MTFR1: variants seen among roughly 807,000 people sequenced by gnomAD.
MTFR1 encodes chondrocyte protein with a poly-proline region.
In MTFR1, 28 loss-of-function variants were observed where a neutral mutation model predicts 38.8. That is an observed-to-expected ratio of 0.72 (90% confidence interval 0.53 to 0.99). The LOEUF (loss-of-function observed/expected upper bound fraction) is 0.99, where lower values mean the gene tolerates loss of function less well. Among genes scored for constraint, MTFR1 ranks in the 50% least tolerant of loss-of-function variants. The pLI, the probability that MTFR1 is intolerant of heterozygous loss-of-function variation, is 0.00. For missense variants in MTFR1, 358 were observed against 395.5 expected, an observed-to-expected ratio of 0.91 and a Z score of 0.81; for synonymous variants, 145 against 137.0, an observed-to-expected ratio of 1.06 and a Z score of -0.41.
intron 3 of MTFR1, among the ~76,000 whole-genome samples, chr8:65,730,142 T>C (rs1806795187): frequency 6.8e-6 from 1 of 147,466 alleles, no homozygotes; most frequent in Non-Finnish European, 1.5e-5. Context: ...TTGTAAACTG[T>C]GCATGTGAGG....
At chr8:65,668,617 G>C (rs1306660612) in intron 1 of MTFR1, among the ~76,000 whole-genome samples, 1 of 148,592 alleles carries the variant, frequency 6.7e-6, no homozygotes, top group African/African-American at 2.5e-5. Flanking sequence ...GGCTTCAAGC[G>C]ATTCTCCTGC....
rs1165439428 is a variant in MTFR1, at chr8:65,672,791, C to T, written c.66+2773C>T. Reference sequence around the variant, plus strand: ...TTTTTCCTTATGCCTCATTAACCAACTTCTGCTAGCTTCAACTTTTCTTTT... The same window carrying T: ...TTTTTCCTTATGCCTCATTAACCAATTTCTGCTAGCTTCAACTTTTCTTTT... On this transcript the variant is annotated intron_variant, in intron 2 of 7. Transcript: ENST00000262146. Among the ~76,000 whole-genome samples the T allele has an allele frequency of 2.0e-5, 3 of 152,180 alleles. No homozygotes were observed. In the South Asian group the frequency reaches 6.2e-4, roughly 32 times the overall value.
intron 1 of MTFR1, among the ~76,000 whole-genome samples, chr8:65,647,704 A>G (rs1485078741): frequency 2.0e-5 from 3 of 152,116 alleles, no homozygotes; most frequent in Non-Finnish European, 4.4e-5. Context: ...TTTTTACTGT[A>G]TCACTGTTCT....
At chr8:65,761,835 A>T (rs113056388) in intron 3 of MTFR1, among the ~76,000 whole-genome samples, 2,558 of 152,334 alleles carry the variant, frequency 0.017, 26 homozygotes, top group Non-Finnish European at 0.027. Context: ...AGGAAATACA[A>T]GCCCCAGGTC....
intron 3 of MTFR1, chr8:65,734,757 T>G (rs181891137): frequency 8.5e-7 from 1 of 1,179,174 alleles, no homozygotes; most frequent in Non-Finnish European, 1.3e-6. Flanking sequence ...AGGAATTTTC[T>G]TATGATTTTC....
intron 2 of MTFR1, among the ~76,000 whole-genome samples, chr8:65,672,400 T>C (rs1179368354): frequency 1.3e-5 from 2 of 152,234 alleles, no homozygotes; most frequent in Non-Finnish European, 2.9e-5. Flanking sequence ...GCTCTACCTT[T>C]CAGTGATTAA....
intron 3 of MTFR1, among the ~76,000 whole-genome samples, chr8:65,758,749 C>T (rs1263124941): frequency 6.6e-6 from 1 of 152,186 alleles, no homozygotes; most frequent in African/African-American, 2.4e-5. Context: ...TGTTGGCCAC[C>T]GAAATCCATG....
chr8:65,721,236 G>A (rs781001168), intron 3 of MTFR1, among the ~76,000 whole-genome samples: 8 of 152,094 alleles, frequency 5.3e-5, no homozygotes, highest in Non-Finnish European at 1.0e-4. Flanking sequence ...TTCACAGGAC[G>A]CCTTGTCAAA....
At chr8:65,651,357 A>G (rs930414712) in intron 1 of MTFR1, among the ~76,000 whole-genome samples, 3 of 152,202 alleles carry the variant, frequency 2.0e-5, no homozygotes, top group Non-Finnish European at 2.9e-5. Flanking sequence ...GTGGGGTGCT[A>G]TTCAAGAAAT....
chr8:65,725,044 A>G, intron 3 of MTFR1: 1 of 497,162 alleles, frequency 2.0e-6, no homozygotes, highest in East Asian at 3.4e-5. Flanking sequence ...CTATCATTCA[A>G]TTTAAAATTT....
chr8:65,737,710 G>T (rs966777365), intron 3 of MTFR1, among the ~76,000 whole-genome samples: 1 of 152,024 alleles, frequency 6.6e-6, no homozygotes, highest in Non-Finnish European at 1.5e-5. Context: ...GTAGAGACGG[G>T]GTTTCACCAT....
intron 2 of MTFR1, among the ~76,000 whole-genome samples, chr8:65,680,308 A>G (rs1405958574): frequency 1.3e-5 from 2 of 152,072 alleles, no homozygotes; most frequent in Admixed American, 1.3e-4. Flanking sequence ...GGATGACAGC[A>G]TGCATCACCA....
intron 3 of MTFR1, among the ~76,000 whole-genome samples, chr8:65,740,349 C>T (rs1366352691): frequency 1.3e-5 from 2 of 152,092 alleles, no homozygotes; most frequent in African/African-American, 4.8e-5. Context: ...CCATCCACCC[C>T]CTCATTCTCC....
At chr8:65,687,405 G>T (rs1349676705) in intron 3 of MTFR1, among the ~76,000 whole-genome samples, 1 of 150,078 alleles carries the variant, frequency 6.7e-6, no homozygotes, top group Non-Finnish European at 1.5e-5. Context: ...GAGTGCAGTG[G>T]CACGATCTTG....
chr8:65,751,741 C>T (rs545835799), intron 3 of MTFR1, among the ~76,000 whole-genome samples: 8 of 152,320 alleles, frequency 5.3e-5, no homozygotes, highest in East Asian at 1.9e-4. Context: ...ATCTGCCTGC[C>T]GCGGCCTCCC....
chr8:65,660,498 A>G (rs1809381763), intron 1 of MTFR1, among the ~76,000 whole-genome samples: 1 of 152,184 alleles, frequency 6.6e-6, no homozygotes. Context: ...TGAATAAAAT[A>G]AAAGACAAAG....
intron 2 of MTFR1, among the ~76,000 whole-genome samples, chr8:65,678,956 T>G (rs1417013785): frequency 6.6e-6 from 1 of 152,276 alleles, no homozygotes; most frequent in East Asian, 1.9e-4. Flanking sequence ...TTTTCTGATA[T>G]TAAACAGATG....
chr8:65,739,667 TAC>T (rs1807320109), intron 3 of MTFR1: 1 of 1,302,124 alleles, frequency 7.7e-7, no homozygotes, highest in African/African-American at 1.5e-5. Context: ...TGCTTTGAAA[TAC>T]AGATTTTGAA....
intron 2 of MTFR1, among the ~76,000 whole-genome samples, chr8:65,717,333 G>A (rs992799281): frequency 6.6e-6 from 1 of 152,236 alleles, no homozygotes; most frequent in African/African-American, 2.4e-5. Context: ...ATCAAGTAGA[G>A]TGGAGTGGCC....
Sources: allele counts gnomAD v4.1 joint callset (sites outside exome capture counted in the v4.1 genomes callset), GRCh38; gene constraint gnomAD v4.1.1; transcripts MANE v1.5; gene names NCBI Gene and HGNC (gene_info 2026-07-23, HGNC 2026-07-21).